PRC1: variants seen among roughly 807,000 people sequenced by gnomAD.
PRC1 encodes anaphase spindle elongation 1 homolog.
In PRC1, 54 loss-of-function variants were observed where a neutral mutation model predicts 91.2. The observed-to-expected ratio is 0.59, with a 90% CI of 0.48 to 0.74. The LOEUF is 0.74. PRC1 is among the 30% of genes least tolerant of loss of function. PRC1 has a pLI of 0.00. For missense variants in PRC1, 727 were observed against 746.2 expected, an observed-to-expected ratio of 0.97 and a Z score of 0.30; for synonymous variants, 275 against 263.6, an observed-to-expected ratio of 1.04 and a Z score of -0.42.
Position 90,981,595 on chromosome 15 carries a change from T to G in PRC1, c.576A>C (p.Pro192=). The change falls in exon 5 of 15, where the codon CCA becomes CCC. Residue 192 remains proline (P), a synonymous_variant. Transcript: ENST00000394249. Reference sequence around the variant, plus strand: ...CCACATCTCTTTCAAAGCTTGTGTCTGGGGTGTGGTCTAATGCTTCCATAC... The same window carrying G: ...CCACATCTCTTTCAAAGCTTGTGTCGGGGGTGTGGTCTAATGCTTCCATAC... ...ILCMEALDHT[P]DTSFERDVVC... is the part of the protein sequence containing the mutation. The G allele has an allele frequency of 6.2e-7, 1 of 1,614,020 alleles. No individual in the cohort carries two copies. The highest frequency in any genetic ancestry group is 8.5e-7 in the Non-Finnish European group (1 of 1,179,950).
In PRC1 at chr15:90,974,510, T is replaced by TC; in HGVS notation, c.1350+74dup. 6.3e-7 allele frequency: 1 copy of TC among 1,586,350 alleles called. No individual in the cohort carries two copies. Among genetic ancestry groups the TC allele is most frequent in the Admixed American group, 1.7e-5 (1 of 59,466 alleles). ...CGGCTCCCTGTTCCACAAACCCTGGTCCCCGGCAGAGACTATGGGCTGCTC... is the reference window on the plus strand; with the variant it reads ...CGGCTCCCTGTTCCACAAACCCTGGTCCCCCGGCAGAGACTATGGGCTGCTC... On this transcript the variant is annotated intron_variant, in intron 10 of 14. Coordinates refer to ENST00000394249, the MANE Select transcript of PRC1 (RefSeq NM_003981.4). The surrounding 1 kb of genome is among the most constrained non-coding windows in gnomAD (Gnocchi z 4.6).
In PRC1 at chr15:90,991,666, A is replaced by G. The variant is rs2039989691; in HGVS notation, c.11+2741T>C. Among the ~76,000 whole-genome samples, 3 of 151,728 alleles carry G rather than the reference A, an allele frequency of 2.0e-5. No homozygotes were observed. The South Asian group carries it at 6.2e-4, about 32-fold the overall frequency. Reference sequence around the variant, plus strand: ...ATCATCCTTGACACTTCTTTCTTATATGCCCGCCATTAGCATTATCTACAC... The same window carrying G: ...ATCATCCTTGACACTTCTTTCTTATGTGCCCGCCATTAGCATTATCTACAC... On this transcript the variant is annotated intron_variant, in intron 1 of 14. Transcript: ENST00000394249.
rs1194709964 is a variant in PRC1, at chr15:90,974,898, C to T, written c.1204-167G>A. ...GTCAGAGTGACCAGAAATCAAAGCCCGGAGACATTTCATTCACACAACACA... is the reference window on the plus strand; with the variant it reads ...GTCAGAGTGACCAGAAATCAAAGCCTGGAGACATTTCATTCACACAACACA... On this transcript the variant is annotated intron_variant, in intron 9 of 14. Transcript: ENST00000394249. This position sits in a 1 kb window ranked among gnomAD's most constrained non-coding sequence, Gnocchi z 4.6. Among the ~76,000 whole-genome samples the T allele has an allele frequency of 5.3e-5, 8 of 152,142 alleles. No individual in the cohort carries two copies. The highest frequency in any genetic ancestry group is 1.3e-4 in the Admixed American group (2 of 15,270).
chr15:90,980,238 T>C lies in PRC1; in HGVS notation c.970+4A>G. ...CAAACCAAAGACCTCACTCTTGTACTAACCAGCACAGAAAGGGGCAAAAGC... is the reference window on the plus strand; with the variant it reads ...CAAACCAAAGACCTCACTCTTGTACCAACCAGCACAGAAAGGGGCAAAAGC... On this transcript the variant is annotated splice_donor_region_variant and intron_variant, in intron 7 of 14. Coordinates refer to ENST00000394249, the MANE Select transcript of PRC1 (RefSeq NM_003981.4). The C allele has an allele frequency of 1.2e-6, 2 of 1,606,840 alleles. No homozygotes were observed. Among genetic ancestry groups the C allele is most frequent in the Non-Finnish European group, 1.7e-6 (2 of 1,178,018 alleles).
chr15:90,972,307 C>T (rs936080797), intron 11 of PRC1, among the ~76,000 whole-genome samples: 2 of 151,746 alleles, frequency 1.3e-5, no homozygotes, highest in Non-Finnish European at 2.9e-5. Context: ...TCACTTGAGC[C>T]CAGGAGGCTG....
rs544724951 is a variant in PRC1 at position 90,989,211 on chromosome 15, C to T, written c.12-4386G>A. Reference sequence around the variant, plus strand: ...AGACACTGCTTGTGGGCATGCAAGACGGTACAGCCTCTTTGGAAAATAGTC... The same window carrying T: ...AGACACTGCTTGTGGGCATGCAAGATGGTACAGCCTCTTTGGAAAATAGTC... On this transcript the variant is annotated intron_variant, in intron 1 of 14. Coordinates refer to ENST00000394249, the MANE Select transcript of PRC1 (RefSeq NM_003981.4). Among the ~76,000 whole-genome samples, 37 of 152,136 alleles carry T rather than the reference C, an allele frequency of 2.4e-4. No individual in the cohort carries two copies. In the South Asian group the frequency reaches 5.4e-3, roughly 22 times the overall value.
Position 90,974,348 on chromosome 15 carries a change from C to G in PRC1, c.1351-102G>C. The G allele has an allele frequency of 8.5e-7, 1 of 1,179,054 alleles. No individual in the cohort carries two copies. The highest frequency in any genetic ancestry group is 1.2e-6 in the Non-Finnish European group (1 of 813,506). The allele number at this position is 1,179,054 out of a possible 1,614,324, so 73.0% of individuals were successfully genotyped here. On this transcript the variant is annotated intron_variant, in intron 10 of 14. Transcript: ENST00000394249. This position sits in a 1 kb window ranked among gnomAD's most constrained non-coding sequence, Gnocchi z 4.6. ...GGAATCTAGGCCCGTGTCTCTACAGCCAGAGCTAAAGAGCTGCCGCGGGCT... is the reference window on the plus strand; with the variant it reads ...GGAATCTAGGCCCGTGTCTCTACAGGCAGAGCTAAAGAGCTGCCGCGGGCT...
At chr15:90,991,923 A>ACTTT (rs1291351598) in intron 1 of PRC1, among the ~76,000 whole-genome samples, 1 of 152,094 alleles carries the variant, frequency 6.6e-6, no homozygotes, top group Non-Finnish European at 1.5e-5. Flanking sequence ...AAAGCCTCTG[A>ACTTT]CTTTCCAAAG....
At position 90,974,604 on chromosome 15, in the gene PRC1, T is replaced by C. The variant is rs1346024775; in HGVS notation, c.1331A>G (p.Glu444Gly). 1.2e-6 allele frequency: 2 copies of C among 1,614,126 alleles called. No individual in the cohort carries two copies. The highest frequency in any genetic ancestry group is 2.2e-5 in the East Asian group (1 of 44,894). Reference sequence around the variant, plus strand: ...ACTTACTCTTTCCTGCTTGGCTCTCTCTTTCTCCAATCGATGCATCTCCCA... The same window carrying C: ...ACTTACTCTTTCCTGCTTGGCTCTCCCTTTCTCCAATCGATGCATCTCCCA... Reference protein sequence around the residue: ...EQWEMHRLEKERAKQERQLKN... With the variant: ...EQWEMHRLEKGRAKQERQLKN... Residue 444 changes from glutamate (E) to glycine (G), a missense_variant, in exon 10 of 15, where the codon GAG (glutamate) becomes GGG (glycine). Glu to Gly is a moderately conservative substitution (Grantham distance 98). Transcript: ENST00000394249. This position sits in a 1 kb window ranked among gnomAD's most constrained non-coding sequence, Gnocchi z 4.6.
rs1247349271 is a variant in PRC1 at position 90,966,923 on chromosome 15, A to T, written c.*208T>A. 3.4e-6 allele frequency: 2 copies of T among 587,338 alleles called. No homozygotes were observed. The highest frequency in any genetic ancestry group is 2.1e-5 in the South Asian group (1 of 48,548). The allele number at this position is 587,338 out of a possible 1,614,324, so 36.4% of individuals were successfully genotyped here. On this transcript the variant is annotated 3_prime_UTR_variant, in exon 15 of 15. Coordinates refer to ENST00000394249, the MANE Select transcript of PRC1 (RefSeq NM_003981.4). ...CTTGCCATAAACTTTTCATGTATAT[A>T]AGTCAAAACCAAGTCTCCTAGGACC...
Position 90,983,694 on chromosome 15 carries a change from A to G in PRC1, c.267+324T>C, listed in dbSNP as rs141608211. Reference sequence around the variant, plus strand: ...TTCCTGTTTTCATTTTCTTTCAGAGAAAGAACACTGCAGCACCATCTATGC... The same window carrying G: ...TTCCTGTTTTCATTTTCTTTCAGAGGAAGAACACTGCAGCACCATCTATGC... On this transcript the variant is annotated intron_variant, in intron 3 of 14. Transcript: ENST00000394249. 2.6e-4 allele frequency: 45 copies of G among 175,022 alleles called. No individual in the cohort carries two copies. In the East Asian group the frequency reaches 6.1e-3, roughly 24 times the overall value. The allele number at this position is 175,022 out of a possible 1,614,324, so 10.8% of individuals were successfully genotyped here. A position where few individuals can be genotyped will look rare whatever the true frequency, so the allele number is the denominator to read the frequency against.
chr15:90,990,788 T>C (rs80070246), intron 1 of PRC1, among the ~76,000 whole-genome samples: 1 of 152,042 alleles, frequency 6.6e-6, no homozygotes, highest in East Asian at 1.9e-4. Flanking sequence ...CTTTTTTTTT[T>C]CTTTTTTTGA....
intron 14 of PRC1, chr15:90,967,694 G>C: frequency 4.5e-6 from 2 of 440,686 alleles, no homozygotes; most frequent in Non-Finnish European, 6.1e-6. Flanking sequence ...GCCCAGGTTT[G>C]TAGCCTAGGA....
At chr15:90,972,862 A>C (rs1051534349) in intron 11 of PRC1, 1 of 152,240 alleles carries the variant, frequency 6.6e-6, no homozygotes, top group Non-Finnish European at 1.5e-5. Context: ...TCTTACAGGG[A>C]AAATGGCATT....
At chr15:90,994,105 G>C (rs1418632324) in intron 1 of PRC1, among the ~76,000 whole-genome samples, 1 of 151,960 alleles carries the variant, frequency 6.6e-6, no homozygotes, top group East Asian at 1.9e-4. Context: ...GCCGCCCCGG[G>C]CCCCGGGCCT....
At chr15:90,970,339 G>C (rs983543427) in intron 12 of PRC1, 65 bp downstream of exon 12, 1 of 1,177,992 alleles carries the variant, frequency 8.5e-7, no homozygotes. Context: ...ACAAGTAGGT[G>C]GGGCCTCTGG....
At chr15:90,982,116 T>C in intron 3 of PRC1, 135 bp from the exon 4 acceptor site, 1 of 814,138 alleles carries the variant, frequency 1.2e-6, no homozygotes, top group East Asian at 2.5e-5. Flanking sequence ...GTCAACAGAA[T>C]ATGGCACAAA....
At chr15:90,987,845 A>G (rs1200920369) in intron 1 of PRC1, 1 of 152,160 alleles carries the variant, frequency 6.6e-6, no homozygotes, top group Non-Finnish European at 1.5e-5. Context: ...ATCTCTAACA[A>G]TGTGTCTCTC....
chr15:90,980,507 C>CA, intron 6 of PRC1, 118 bp from the exon 7 acceptor site: 1 of 692,136 alleles, frequency 1.4e-6, no homozygotes, highest in Non-Finnish European at 2.2e-6. Flanking sequence ...TATTATAAAT[C>CA]AACACTTTTT....
Sources: gnomAD v4.1 joint callset for allele counts (sites outside exome capture counted in the v4.1 genomes callset) on GRCh38, gnomAD v4.1.1 for gene constraint, Gnocchi (gnomAD v3.1) non-coding constraint, MANE v1.5 for transcripts, NCBI Gene and HGNC (gene_info 2026-07-23, HGNC 2026-07-21) for gene names.